The following GRWD1 variants were observed in gnomAD, a reference collection of about 807,000 sequenced individuals.
The protein encoded by GRWD1 is glutamate-rich WD repeat-containing protein 1.
A neutral mutation model predicts 45.3 loss-of-function variants in GRWD1; 29 were observed. That is an observed-to-expected ratio of 0.64 (90% CI 0.48 to 0.87). The LOEUF (loss-of-function observed/expected upper bound fraction) is 0.87, where lower values mean the gene tolerates loss of function less well. Among genes scored for constraint, GRWD1 ranks in the 40% least tolerant of loss-of-function variants. The pLI, the probability that GRWD1 is intolerant of heterozygous loss-of-function variation, is 0.00. For synonymous variants in GRWD1, 262 were observed against 257.6 expected, an observed-to-expected ratio of 1.02 and a Z score of -0.16; for missense variants, 592 against 618.8, an observed-to-expected ratio of 0.96 and a Z score of 0.46.
intron 3 of GRWD1, among the ~76,000 whole-genome samples, chr19:48,448,869 C>T (rs1569078305): frequency 1.3e-5 from 2 of 152,160 alleles, no homozygotes; most frequent in East Asian, 1.9e-4. Context: ...ACTGTAAGGA[C>T]TCCAGCTTTT....
Position 48,450,527 on chromosome 19 carries a change from G to C in GRWD1, c.682+1G>C. 8 of 1,614,024 alleles carry C rather than the reference G, an allele frequency of 5.0e-6. No homozygotes were observed. The highest frequency in any genetic ancestry group is 5.9e-6 in the Non-Finnish European group (7 of 1,179,954). The stretch of plus-strand genomic sequence containing the variant: ...CTTGACTGGTCCCCCCGGGTGACCG[G>C]TGAGTCCCTGGGGTGTTCAGGAGTC... On this transcript the variant is annotated splice_donor_variant, in intron 4 of 6. Transcript: ENST00000253237. LOFTEE classifies it high-confidence loss of function. The surrounding 1 kb of genome is among the most constrained non-coding windows in gnomAD (Gnocchi z 5.1).
intron 3 of GRWD1, among the ~76,000 whole-genome samples, chr19:48,447,585 T>C (rs146120120): frequency 7.2e-4 from 110 of 152,244 alleles, no homozygotes; most frequent in African/African-American, 2.5e-3. Flanking sequence ...CCTTGTTGGC[T>C]AGGCTGGTCT....
chr19:48,446,278 G>T, intron 1 of GRWD1, 86 bp downstream of exon 1: 1 of 1,565,190 alleles, frequency 6.4e-7, no homozygotes, highest in South Asian at 1.1e-5. Flanking sequence ...GAAGGCTGGG[G>T]TCTAAGAGAA....
intron 3 of GRWD1, among the ~76,000 whole-genome samples, chr19:48,447,898 G>T (rs1263833599): frequency 6.6e-6 from 1 of 152,166 alleles, no homozygotes; most frequent in African/African-American, 2.4e-5. Flanking sequence ...GCACCTGGTT[G>T]TAATATGAGG....
rs1248638395 is a variant in GRWD1, at chr19:48,454,498, A to G, written c.*1473A>G. ...ACACGGCCCCTGGGACCAAGGACAG[A>G]CTACAGCCCCTCAGCACCCACAGAG... is the stretch of plus-strand genomic sequence containing the variant. On this transcript the variant is annotated 3_prime_UTR_variant, in exon 7 of 7. Transcript: ENST00000253237. 5 of 152,182 alleles carry G rather than the reference A, an allele frequency of 3.3e-5. No homozygotes were observed. Among genetic ancestry groups the G allele is most frequent in the Non-Finnish European group, 7.3e-5 (5 of 68,220 alleles). The allele number at this position is 152,182 out of a possible 1,614,324, so 9.4% of individuals were successfully genotyped here.
chr19:48,453,848 C>T lies in GRWD1; in HGVS notation c.*823C>T, dbSNP rs1162783727. On this transcript the variant is annotated 3_prime_UTR_variant, in exon 7 of 7. Coordinates refer to ENST00000253237, the MANE Select transcript of GRWD1 (RefSeq NM_031485.4). ...CTGACTTTAGAGGCTGGTGCTGTGT[C>T]GGGAGGAAGGTCAGGGCTCCTGAGC... 6 of 152,156 alleles carry T rather than the reference C, an allele frequency of 3.9e-5. No individual in the cohort carries two copies. Among genetic ancestry groups the T allele is most frequent in the East Asian group, 1.9e-4 (1 of 5,180 alleles). 9.4% of individuals were successfully genotyped at this position (152,156 alleles called of 1,614,324 possible).
At chr19:48,447,089 T>G (rs79428971) in intron 3 of GRWD1, among the ~76,000 whole-genome samples, 1 of 124,396 alleles carries the variant, frequency 8.0e-6, no homozygotes, top group Non-Finnish European at 1.8e-5. Context: ...TTTTTTTTTT[T>G]TTGAGATGGA....
chr19:48,448,296 T>C (rs954439137), intron 3 of GRWD1, among the ~76,000 whole-genome samples: 3 of 152,296 alleles, frequency 2.0e-5, no homozygotes, highest in East Asian at 3.9e-4. Flanking sequence ...TCTGATCAGG[T>C]AGACTTGTAA....
At chr19:48,451,625 G>A (rs1314426749) in intron 6 of GRWD1, among the ~76,000 whole-genome samples, 1 of 152,326 alleles carries the variant, frequency 6.6e-6, no homozygotes, top group Middle Eastern at 3.4e-3. Flanking sequence ...GAAGACTGAG[G>A]CACAGAAAGG....
Position 48,446,407 on chromosome 19 carries a change from C to A in GRWD1, c.210C>A (p.Asp70Glu). ...AQTGAPCLSF[D>E]IVRDHLGDNR... ...CAGGCGCCCCCTGTCTCAGCTTTGACATAGTCCGGGATCACCTGGGAGACA... is the reference window on the plus strand; with the variant it reads ...CAGGCGCCCCCTGTCTCAGCTTTGAAATAGTCCGGGATCACCTGGGAGACA... Residue 70 changes from aspartate to glutamate, a missense_variant, in exon 2 of 7, where the codon GAC becomes GAA. By Grantham distance (45) the Asp-to-Glu change is conservative. Transcript: ENST00000253237. The A allele has an allele frequency of 6.2e-7, 1 of 1,614,222 alleles. No individual in the cohort carries two copies. The highest frequency in any genetic ancestry group is 8.5e-7 in the Non-Finnish European group (1 of 1,180,028).
chr19:48,450,319 T>C lies in GRWD1; in HGVS notation c.475T>C (p.Trp159Arg). 1 of 1,611,346 alleles carries C rather than the reference T, an allele frequency of 6.2e-7. No homozygotes were observed. Among genetic ancestry groups the C allele is most frequent in the Non-Finnish European group, 8.5e-7 (1 of 1,179,358 alleles). ...YGGINRVRVS[W>R]LGEEPVAGVW... ...CCCCACCGCTCTTCTGCAGGTGTCA[T>C]GGCTGGGTGAAGAGCCTGTGGCTGG... The change falls in exon 4 of 7, where the codon TGG becomes CGG. Residue 159 changes from tryptophan to arginine, a missense_variant. Trp to Arg is a moderately radical substitution (Grantham distance 101). Transcript: ENST00000253237. This position sits in a 1 kb window ranked among gnomAD's most constrained non-coding sequence, Gnocchi z 5.1.
Position 48,455,852 on chromosome 19 carries a change from GGC to G in GRWD1, c.*2828_*2829del, listed in dbSNP as rs1163047220. The stretch of plus-strand genomic sequence containing the variant: ...ATCTTCACCTCCCGGCATCCTGAGC[GGC>G]CAAGGTGAGCAGTGGGGTCTGAGAG... On this transcript the variant is annotated 3_prime_UTR_variant, in exon 7 of 7. Coordinates refer to ENST00000253237, the MANE Select transcript of GRWD1 (RefSeq NM_031485.4). 2 of 152,440 alleles carry G rather than the reference GGC, an allele frequency of 1.3e-5. No homozygotes were observed. Among genetic ancestry groups the G allele is most frequent in the Admixed American group, 6.5e-5 (1 of 15,284 alleles). The allele number at this position is 152,440 out of a possible 1,614,324, so 9.4% of individuals were successfully genotyped here.
rs375015314 is a variant in GRWD1 at position 48,453,053 on chromosome 19, C to G, written c.*28C>G. 3 of 1,540,492 alleles carry G rather than the reference C, an allele frequency of 1.9e-6. No individual in the cohort carries two copies. Among genetic ancestry groups the G allele is most frequent in the Non-Finnish European group, 2.6e-6 (3 of 1,140,142 alleles). ...CGTCCCACTGGCTCTGATCTTGCTT[C>G]CTGCTTGGAAACTGAAGTCGAATTG... On this transcript the variant is annotated 3_prime_UTR_variant, in exon 7 of 7. Transcript: ENST00000253237.
chr19:48,453,176 G>GGCCTGGCTCTGATCCC lies in GRWD1; in HGVS notation c.*166_*167insCGCCTGGCTCTGATCC. Reference sequence around the variant, plus strand: ...CTGTTTGACGTATTGTTCTCTAGAAGGCCTGGCTCTGATCCAGTGACCCCT... The same window carrying GGCCTGGCTCTGATCCC: ...CTGTTTGACGTATTGTTCTCTAGAAGGCCTGGCTCTGATCCCGCCTGGCTCTGATCCAGTGACCCCT... On this transcript the variant is annotated 3_prime_UTR_variant, in exon 7 of 7. Coordinates refer to ENST00000253237, the MANE Select transcript of GRWD1 (RefSeq NM_031485.4). The GGCCTGGCTCTGATCCC allele has an allele frequency of 1.4e-6, 1 of 692,208 alleles. No homozygotes were observed. Among genetic ancestry groups the GGCCTGGCTCTGATCCC allele is most frequent in the Non-Finnish European group, 2.3e-6 (1 of 425,742 alleles). 42.9% of individuals were successfully genotyped at this position (692,208 alleles called of 1,614,324 possible).
Position 48,450,882 on chromosome 19 carries a change from G to A in GRWD1, c.825+74G>A, listed in dbSNP as rs1471270977. ...CAGGGACCTAGAATCCTAGGTCTGA[G>A]GGAAAAGAGGGCTGGGAGCCTGACG... On this transcript the variant is annotated intron_variant, in intron 5 of 6. Coordinates refer to ENST00000253237, the MANE Select transcript of GRWD1 (RefSeq NM_031485.4). The surrounding 1 kb of genome is among the most constrained non-coding windows in gnomAD (Gnocchi z 5.1). 2.6e-6 allele frequency: 4 copies of A among 1,531,600 alleles called. No homozygotes were observed. The African/African-American group carries it at 5.5e-5, about 21-fold the overall frequency. The allele number at this position is 1,531,600 out of a possible 1,614,324, so 94.9% of individuals were successfully genotyped here.
rs560204090 is a variant in GRWD1, at chr19:48,450,952, A to C, written c.826-82A>C. 4.6e-6 allele frequency: 7 copies of C among 1,523,536 alleles called. No individual in the cohort carries two copies. The South Asian group carries it at 8.3e-5, about 18-fold the overall frequency. The allele number at this position is 1,523,536 out of a possible 1,614,324, so 94.4% of individuals were successfully genotyped here. A position where few individuals can be genotyped will look rare whatever the true frequency, so the allele number is the denominator to read the frequency against. On this transcript the variant is annotated intron_variant, in intron 5 of 6. Transcript: ENST00000253237. The surrounding 1 kb of genome is among the most constrained non-coding windows in gnomAD (Gnocchi z 5.1). ...AAGTCATAGTAAGGGGAACAGTGAA[A>C]GAGAGAGTAGCCCACCGCTGGCGCT...
In GRWD1 at chr19:48,452,953, C is replaced by T. The variant is rs1190930062; in HGVS notation, c.1269C>T (p.His423=). ...CCGAGCTGAAGGAGCTGCACTGGCA[C>T]CCGCAGTGCCCAGGGCTCCTGGTCA... The part of the protein sequence containing the change: ...GETELKELHW[H]PQCPGLLVST... Residue 423 remains histidine, a synonymous_variant, in exon 7 of 7, where the codon CAC becomes CAT. Coordinates refer to ENST00000253237, the MANE Select transcript of GRWD1 (RefSeq NM_031485.4). The surrounding 1 kb of genome is among the most constrained non-coding windows in gnomAD (Gnocchi z 5.1). 1.9e-6 allele frequency: 3 copies of T among 1,612,030 alleles called. No individual in the cohort carries two copies. The highest frequency in any genetic ancestry group is 2.5e-6 in the Non-Finnish European group (3 of 1,179,762).
In GRWD1 at chr19:48,455,954, T is replaced by C. The variant is rs755830902; in HGVS notation, c.*2929T>C. The C allele has an allele frequency of 9.2e-5, 14 of 152,052 alleles. No individual in the cohort carries two copies. The highest frequency in any genetic ancestry group is 1.8e-4 in the Non-Finnish European group (12 of 68,000). 9.4% of individuals were successfully genotyped at this position (152,052 alleles called of 1,614,324 possible). A position where few individuals can be genotyped will look rare whatever the true frequency, so the allele number is the denominator to read the frequency against. On this transcript the variant is annotated 3_prime_UTR_variant, in exon 7 of 7. Coordinates refer to ENST00000253237, the MANE Select transcript of GRWD1 (RefSeq NM_031485.4). Reference sequence around the variant, plus strand: ...ATACCAGGTGTGTTTGAAACCAGAGTGCTCTTGAGAAGACTGTGGTTTGTC... The same window carrying C: ...ATACCAGGTGTGTTTGAAACCAGAGCGCTCTTGAGAAGACTGTGGTTTGTC...
chr19:48,446,234 C>T, intron 1 of GRWD1, 42 bp downstream of exon 1: 1 of 1,577,828 alleles, frequency 6.3e-7, no homozygotes, highest in Non-Finnish European at 8.6e-7. Flanking sequence ...GGTGGCTGAT[C>T]CCGAGCCTTT....
Sources: gnomAD v4.1 joint callset for allele counts (sites outside exome capture counted in the v4.1 genomes callset) on GRCh38, gnomAD v4.1.1 for gene constraint, Gnocchi (gnomAD v3.1) non-coding constraint, MANE v1.5 for transcripts, NCBI Gene and HGNC (gene_info 2026-07-23, HGNC 2026-07-21) for gene names.